The following ACSL6 variants were observed in gnomAD, a reference collection of about 807,000 sequenced individuals.
ACSL6 encodes the protein acyl-CoA synthetase long chain family member 6, also known as long-chain-fatty-acid--CoA ligase 6.
Under a neutral mutation model 98.2 loss-of-function variants are expected in ACSL6, and 47 were observed. The ratio of observed to expected loss-of-function variants is 0.48; its 90% CI spans 0.38 to 0.61. ACSL6 has a LOEUF of 0.61. ACSL6 is among the 20% of genes least tolerant of loss of function. The pLI is 0.00. For missense variants in ACSL6, 761 were observed against 913.4 expected, an observed-to-expected ratio of 0.83 and a Z score of 2.15; for synonymous variants, 362 against 336.9, an observed-to-expected ratio of 1.07 and a Z score of -0.82.
chr5:131,970,852 A>T (rs1432594023), intron 14 of ACSL6, among the ~76,000 whole-genome samples: 1 of 152,210 alleles, frequency 6.6e-6, no homozygotes, highest in Non-Finnish European at 1.5e-5. Context: ...TTTTGGCTCC[A>T]TAAGCTATTC....
intron 19 of ACSL6, 78 bp downstream of exon 19, chr5:131,960,442 A>T: frequency 8.1e-7 from 1 of 1,236,604 alleles, no homozygotes; most frequent in Non-Finnish European, 1.1e-6. Flanking sequence ...TCACTGGTCT[A>T]CAACTTTTCT....
intron 1 of ACSL6, 151 bp from the exon 2 acceptor site, chr5:131,994,402 A>G: frequency 1.5e-6 from 1 of 658,034 alleles, no homozygotes; most frequent in African/African-American, 1.8e-5. Flanking sequence ...GAAGCTGGCT[A>G]CCTAGAAGGG....
At chr5:132,010,725 A>G (rs867273970) in intron 1 of ACSL6, among the ~76,000 whole-genome samples, 2 of 152,096 alleles carry the variant, frequency 1.3e-5, no homozygotes, top group Middle Eastern at 3.2e-3. Flanking sequence ...GTGGTATTAT[A>G]CTCTGGAGGA....
intron 15 of ACSL6, among the ~76,000 whole-genome samples, chr5:131,969,576 G>C (rs6879708): frequency 0.027 from 4,060 of 152,120 alleles, 190 homozygotes; most frequent in African/African-American, 0.092. Context: ...TATAATATCA[G>C]TATATTGGAT....
intron 9 of ACSL6, among the ~76,000 whole-genome samples, chr5:131,978,216 G>A (rs752649866): frequency 8.5e-5 from 13 of 152,178 alleles, no homozygotes; most frequent in Non-Finnish European, 1.9e-4. Flanking sequence ...AGTTTGCCAG[G>A]GCAAAATGAC....
chr5:131,961,634 C>T (rs1447338452), intron 18 of ACSL6, among the ~76,000 whole-genome samples: 2 of 151,892 alleles, frequency 1.3e-5, no homozygotes, highest in African/African-American at 4.8e-5. Flanking sequence ...GGGGTAGAGG[C>T]TGCAGTGAGC....
intron 17 of ACSL6, among the ~76,000 whole-genome samples, chr5:131,963,411 C>G (rs1352456063): frequency 6.6e-6 from 1 of 152,246 alleles, no homozygotes; most frequent in African/African-American, 2.4e-5. Context: ...CCACCGTTTT[C>G]TCTTCATTGG....
intron 1 of ACSL6, among the ~76,000 whole-genome samples, chr5:131,995,487 C>T (rs930795762): frequency 2.6e-5 from 4 of 152,118 alleles, no homozygotes; most frequent in Non-Finnish European, 5.9e-5. Flanking sequence ...TCAAGGCTGC[C>T]CTGTACCACC....
At chr5:131,988,006 G>A in intron 7 of ACSL6, 42 bp downstream of exon 7, 1 of 1,602,366 alleles carries the variant, frequency 6.2e-7, no homozygotes. Flanking sequence ...TTGGTGACCA[G>A]CCAGCAGTAG....
intron 11 of ACSL6, chr5:131,974,072 G>T (rs996315215): frequency 2.0e-5 from 3 of 152,472 alleles, no homozygotes; most frequent in African/African-American, 7.2e-5. Context: ...GTAATTGCTG[G>T]CATTGAATCC....
At chr5:131,977,431 A>G (rs1440173515) in intron 9 of ACSL6, among the ~76,000 whole-genome samples, 1 of 152,182 alleles carries the variant, frequency 6.6e-6, no homozygotes, top group Non-Finnish European at 1.5e-5. Context: ...ATTTCCTGTC[A>G]GGGTAGATAC....
chr5:131,986,397 T>C (rs746616945), intron 8 of ACSL6, among the ~76,000 whole-genome samples: 61 of 152,168 alleles, frequency 4.0e-4, no homozygotes, highest in Non-Finnish European at 6.0e-4. Context: ...AAGTATCACA[T>C]GGGGATGACG....
chr5:131,972,086 A>G (rs1200425976), intron 13 of ACSL6, among the ~76,000 whole-genome samples: 1 of 152,354 alleles, frequency 6.6e-6, no homozygotes, highest in Middle Eastern at 3.4e-3. Flanking sequence ...TTTACTATGT[A>G]CTGCTGAGGA....
intron 18 of ACSL6, among the ~76,000 whole-genome samples, chr5:131,962,242 A>G (rs1561776513): frequency 6.6e-6 from 1 of 152,176 alleles, no homozygotes; most frequent in East Asian, 1.9e-4. Flanking sequence ...AATAAAAATA[A>G]AAACAGTAGA....
chr5:131,975,232 G>A (rs554510669), intron 10 of ACSL6: 86 of 1,341,840 alleles, frequency 6.4e-5, no homozygotes, highest in South Asian at 2.2e-4. Flanking sequence ...AGGTCGCAGC[G>A]TCAGTGGGTC....
chr5:131,975,675 C>T, intron 10 of ACSL6: 18 of 985,370 alleles, frequency 1.8e-5, no homozygotes, highest in Non-Finnish European at 2.2e-5. Flanking sequence ...AAAGGGAGGG[C>T]CCAGGACACA....
At chr5:131,994,684 C>T (rs925953358) in intron 1 of ACSL6, 1 of 225,982 alleles carries the variant, frequency 4.4e-6, no homozygotes, top group African/African-American at 2.3e-5. Flanking sequence ...CAGAAGTGCT[C>T]AGCACAGTGC....
At position 131,974,798 on chromosome 5, in the gene ACSL6, G is replaced by T. The variant is rs1753526411; in HGVS notation, c.1068+95C>A. 1.9e-6 allele frequency: 3 copies of T among 1,612,702 alleles called. No individual in the cohort carries two copies. In the African/African-American group the frequency reaches 4.0e-5, roughly 22 times the overall value. ...AAACATGTGTGCTAAAGGCAAATAG[G>T]AAATGTGCACATCCGCACAAGTGGG... On this transcript the variant is annotated intron_variant, in intron 11 of 20. Coordinates refer to ENST00000651883, the MANE Select transcript of ACSL6 (RefSeq NM_001009185.3).
rs1754213892 is a variant in ACSL6, at chr5:131,986,808, G to A, written c.864+14C>T. ...CATCTCGCTCAATAAAGACCTGCAG[G>A]TGAATTCGCTTACCACAGGAGCCTG... On this transcript the variant is annotated intron_variant, in intron 8 of 20. Coordinates refer to ENST00000651883, the MANE Select transcript of ACSL6 (RefSeq NM_001009185.3). The A allele has an allele frequency of 2.5e-6, 4 of 1,614,188 alleles. No individual in the cohort carries two copies. The highest frequency in any genetic ancestry group is 2.5e-6 in the Non-Finnish European group (3 of 1,180,026).
Sources: gnomAD v4.1 joint callset for allele counts (sites outside exome capture counted in the v4.1 genomes callset) on GRCh38, gnomAD v4.1.1 for gene constraint, MANE v1.5 for transcripts, NCBI Gene and HGNC (gene_info 2026-07-23, HGNC 2026-07-21) for gene names.